PLCG2: variants seen among roughly 807,000 people sequenced by gnomAD.
PLCG2 encodes the protein 1-phosphatidylinositol 4,5-bisphosphate phosphodiesterase gamma-2.
Under a neutral mutation model 175.6 loss-of-function variants are expected in PLCG2, and 69 were observed. That is an observed-to-expected ratio of 0.39 (90% CI 0.32 to 0.48). The LOEUF (loss-of-function observed/expected upper bound fraction) is 0.48. Ranked by LOEUF, PLCG2 falls within the 20% of genes least tolerant of loss-of-function variation. The pLI, the probability that PLCG2 is intolerant of heterozygous loss-of-function variation, is 0.91. For synonymous variants in PLCG2, 827 were observed against 624.0 expected, an observed-to-expected ratio of 1.33 and a Z score of -4.85; for missense variants, 1,798 against 1,650.9, an observed-to-expected ratio of 1.09 and a Z score of -1.54.
rs1382853437 is a variant in PLCG2 at position 81,879,305 on chromosome 16, A to G, written c.649-1605A>G. ...AAGCAGTAAATGAGTCCAAATAGCA[A>G]CATGCCCTGTCTAAAATCTGCAACA... On this transcript the variant is annotated intron_variant, in intron 7 of 32. Transcript: ENST00000564138. 2.6e-5 allele frequency among the ~76,000 whole-genome samples: 4 copies of G among 152,348 alleles called. No homozygotes were observed. In the East Asian group the frequency reaches 5.8e-4, roughly 22 times the overall value.
intron 22 of PLCG2, among the ~76,000 whole-genome samples, chr16:81,924,821 T>G (rs2143695811): frequency 6.6e-6 from 1 of 152,332 alleles, no homozygotes. Context: ...CCTCTGATGC[T>G]TCCCCTTGGA....
At chr16:81,940,495 A>T (rs974048534) in intron 30 of PLCG2, among the ~76,000 whole-genome samples, 4 of 152,102 alleles carry the variant, frequency 2.6e-5, no homozygotes, top group Admixed American at 2.6e-4. Context: ...CAACTCCCCA[A>T]ACCCTTCAGA....
chr16:81,841,263 G>C (rs1359258502), intron 2 of PLCG2, among the ~76,000 whole-genome samples: 1 of 151,126 alleles, frequency 6.6e-6, no homozygotes, highest in Non-Finnish European at 1.5e-5. Context: ...TTGAGATAGA[G>C]TCTCACTGAG....
At chr16:81,947,914 A>AT (rs1305082504) in intron 31 of PLCG2, among the ~76,000 whole-genome samples, 3 of 152,100 alleles carry the variant, frequency 2.0e-5, no homozygotes, top group East Asian at 1.9e-4. Context: ...TTGCCTTATG[A>AT]TTTTTTGTAT....
intron 2 of PLCG2, among the ~76,000 whole-genome samples, chr16:81,787,267 G>T (rs187794628): frequency 6.6e-6 from 1 of 151,996 alleles, no homozygotes; most frequent in East Asian, 1.9e-4. Flanking sequence ...TTTTACCCAG[G>T]CTGGAGTGCA....
At chr16:81,929,497 G>C (rs1910413563) in intron 24 of PLCG2, among the ~76,000 whole-genome samples, 1 of 152,224 alleles carries the variant, frequency 6.6e-6, no homozygotes, top group Non-Finnish European at 1.5e-5. Context: ...CTGGATTCAA[G>C]TGATTCTCCT....
chr16:81,930,005 C>G (rs1910434866), intron 24 of PLCG2, among the ~76,000 whole-genome samples: 1 of 152,116 alleles, frequency 6.6e-6, no homozygotes, highest in Non-Finnish European at 1.5e-5. Context: ...GTATGACTTT[C>G]CACATGTGAC....
intron 2 of PLCG2, among the ~76,000 whole-genome samples, chr16:81,811,954 C>T (rs7405103): frequency 0.06 from 9,078 of 151,954 alleles, 300 homozygotes; most frequent in South Asian, 0.088. Flanking sequence ...CGCTGTCTTC[C>T]ACAATGGTTG....
chr16:81,801,593 A>C (rs576602142), intron 2 of PLCG2, among the ~76,000 whole-genome samples: 1 of 152,278 alleles, frequency 6.6e-6, no homozygotes, highest in Non-Finnish European at 1.5e-5. Context: ...CGTCTTCGCT[A>C]TTGTTTGAAA....
Position 81,811,526 on chromosome 16 carries a change from C to T in PLCG2, c.193+25344C>T, listed in dbSNP as rs1365821180. Among the ~76,000 whole-genome samples the T allele has an allele frequency of 1.3e-5, 2 of 152,104 alleles. 1 individual carries two copies. The highest frequency in any genetic ancestry group is 6.8e-3 in the Middle Eastern group (2 of 294). On this transcript the variant is annotated intron_variant, in intron 2 of 32. Coordinates refer to ENST00000564138, the MANE Select transcript of PLCG2 (RefSeq NM_002661.5). ...TAGTGCTATCCCTCCTCTAGTCCCC[C>T]AACCCCTAACAGGCCCCAGTGTGTG... is the stretch of plus-strand genomic sequence containing the variant.
At chr16:81,829,133 G>T (rs948969630) in intron 2 of PLCG2, among the ~76,000 whole-genome samples, 1 of 152,078 alleles carries the variant, frequency 6.6e-6, no homozygotes, top group East Asian at 1.9e-4. Flanking sequence ...TTTTGAGACG[G>T]AGTCTGGCTC....
intron 2 of PLCG2, among the ~76,000 whole-genome samples, chr16:81,825,396 C>G (rs913434629): frequency 2.0e-5 from 3 of 148,656 alleles, no homozygotes. Context: ...TCAAGCCATT[C>G]TCTTGCTTCA....
At chr16:81,853,796 C>A (rs1380690663) in intron 2 of PLCG2, among the ~76,000 whole-genome samples, 1 of 152,124 alleles carries the variant, frequency 6.6e-6, no homozygotes, top group African/African-American at 2.4e-5. Flanking sequence ...GGCTGTGGCC[C>A]ATTAGTAACA....
chr16:81,894,136 A>G (rs935779184), intron 12 of PLCG2, among the ~76,000 whole-genome samples: 2 of 152,002 alleles, frequency 1.3e-5, no homozygotes, highest in Non-Finnish European at 2.9e-5. Flanking sequence ...AAATGTGAAA[A>G]GAATGGTCAG....
At chr16:81,826,203 C>T (rs1905039802) in intron 2 of PLCG2, among the ~76,000 whole-genome samples, 1 of 152,202 alleles carries the variant, frequency 6.6e-6, no homozygotes, top group African/African-American at 2.4e-5. Flanking sequence ...CCCTTTGCCA[C>T]CTTCATTTCT....
intron 2 of PLCG2, among the ~76,000 whole-genome samples, chr16:81,821,658 G>T (rs1904805305): frequency 6.6e-6 from 1 of 152,206 alleles, no homozygotes; most frequent in African/African-American, 2.4e-5. Context: ...GCCTCAGGAA[G>T]TGGCCTCTGT....
At chr16:81,796,834 C>G (rs1911489050) in intron 2 of PLCG2, among the ~76,000 whole-genome samples, 2 of 152,164 alleles carry the variant, frequency 1.3e-5, no homozygotes, top group African/African-American at 2.4e-5. Flanking sequence ...CTTCTGGTCT[C>G]CAGAACTGTG....
At chr16:81,775,204 C>T (rs1910372405), upstream of PLCG2, among the ~76,000 whole-genome samples, 1 of 152,206 alleles carries the variant, frequency 6.6e-6, no homozygotes, top group Non-Finnish European at 1.5e-5. Flanking sequence ...CAAAGAGCAG[C>T]CCTGTACCCC....
chr16:81,919,610 A>G lies in PLCG2; in HGVS notation c.2181A>G (p.Arg727=), dbSNP rs372269946. 1.9e-6 allele frequency: 3 copies of G among 1,614,120 alleles called. No individual in the cohort carries two copies. The change falls in exon 20 of 33, where the codon CGA becomes CGG. Residue 727 remains arginine, a synonymous_variant. Coordinates refer to ENST00000564138, the MANE Select transcript of PLCG2 (RefSeq NM_002661.5). ...ACTACGAGAAGCATTCACTCTACCGAAAGATGAGACTGCGCTACCCCGTGA... is the reference window on the plus strand; with the variant it reads ...ACTACGAGAAGCATTCACTCTACCGGAAGATGAGACTGCGCTACCCCGTGA... The part of the protein sequence containing the change: ...VSYYEKHSLY[R]KMRLRYPVTP...
Sources: gnomAD v4.1 joint callset for allele counts (sites outside exome capture counted in the v4.1 genomes callset) on GRCh38, gnomAD v4.1.1 for gene constraint, MANE v1.5 for transcripts, NCBI Gene and HGNC (gene_info 2026-07-23, HGNC 2026-07-21) for gene names.